Variants in PDE4B observed in about 807,000 individuals in gnomAD.
The protein encoded by PDE4B is 3',5'-cyclic-AMP phosphodiesterase 4B.
PDE4B carries 20 observed loss-of-function variants against 82.2 expected under a neutral mutation model. The ratio of observed to expected loss-of-function variants is 0.24; its 90% CI spans 0.17 to 0.35. The LOEUF (loss-of-function observed/expected upper bound fraction) is 0.35. Ranked by LOEUF, PDE4B falls within the 10% of genes least tolerant of loss-of-function variation. The probability of loss-of-function intolerance (pLI) is 1.00; values close to 1 mark genes in which losing one functional copy is unlikely to be tolerated. For synonymous variants in PDE4B, 320 were observed against 318.9 expected, an observed-to-expected ratio of 1.00 and a Z score of -0.04; for missense variants, 655 against 907.2, an observed-to-expected ratio of 0.72 and a Z score of 3.57.
At chr1:66,054,495 A>G (rs971034038) in intron 3 of PDE4B, among the ~76,000 whole-genome samples, 2 of 152,198 alleles carry the variant, frequency 1.3e-5, no homozygotes, top group African/African-American at 4.8e-5. Flanking sequence ...TAGTGCCTAT[A>G]TCTTGTGCTC....
Position 66,367,691 on chromosome 1 carries a change from A to T in PDE4B, c.1385-5A>T. 6.2e-7 allele frequency: 1 copy of T among 1,602,866 alleles called. No individual in the cohort carries two copies. The highest frequency in any genetic ancestry group is 8.5e-7 in the Non-Finnish European group (1 of 1,174,218). On this transcript the variant is annotated splice_polypyrimidine_tract_variant and splice_region_variant and intron_variant, in intron 13 of 16. Transcript: ENST00000341517. The stretch of plus-strand genomic sequence containing the variant: ...ATTAAGTCATCATTTGGTCTGATTT[A>T]TTAGATTCAGAACTTGCTTTGATGT...
chr1:66,068,169 C>T (rs1174524336), intron 3 of PDE4B, among the ~76,000 whole-genome samples: 2 of 151,486 alleles, frequency 1.3e-5, no homozygotes, highest in Non-Finnish European at 1.5e-5. Flanking sequence ...TAATTGTTCT[C>T]GCTTCCGTGA....
chr1:66,250,234 A>G lies in PDE4B; in HGVS notation c.476+2580A>G, dbSNP rs1352579039. ...CTTCTACCCATAGATCCAGGAAGCA[A>G]GAAGGGTGCTAATAGACCAAGAGTC... On this transcript the variant is annotated intron_variant, in intron 4 of 16. Coordinates refer to ENST00000341517, the MANE Select transcript of PDE4B (RefSeq NM_002600.4). 2.6e-5 allele frequency among the ~76,000 whole-genome samples: 4 copies of G among 152,094 alleles called. No homozygotes were observed. In the East Asian group the frequency reaches 7.7e-4, roughly 29 times the overall value.
intron 1 of PDE4B, among the ~76,000 whole-genome samples, chr1:65,872,538 A>G (rs1224011343): frequency 1.3e-5 from 2 of 152,184 alleles, no homozygotes; most frequent in Non-Finnish European, 1.5e-5. Context: ...TCAGCACTCA[A>G]TGAATAGATT....
intron 3 of PDE4B, among the ~76,000 whole-genome samples, chr1:66,137,933 A>C (rs897780404): frequency 3.3e-5 from 5 of 152,200 alleles, no homozygotes; most frequent in African/African-American, 1.2e-4. Context: ...AACTATTCTA[A>C]GTATTTTATG....
chr1:65,833,018 G>T (rs1246293998), intron 1 of PDE4B, among the ~76,000 whole-genome samples: 2 of 152,166 alleles, frequency 1.3e-5, no homozygotes, highest in Non-Finnish European at 2.9e-5. Flanking sequence ...AGTGAGCAAA[G>T]TGAACAATGT....
intron 9 of PDE4B, among the ~76,000 whole-genome samples, chr1:66,356,573 T>C (rs887198412): frequency 6.6e-6 from 1 of 152,266 alleles, no homozygotes; most frequent in African/African-American, 2.4e-5. Context: ...GCATCCTCTC[T>C]TCTTTTTGGA....
chr1:65,985,544 T>C (rs2503193), intron 3 of PDE4B, among the ~76,000 whole-genome samples: 149,097 of 152,286 alleles, frequency 0.98, 73,060 homozygotes, highest in Middle Eastern at 1. Flanking sequence ...AGCTATGTCC[T>C]TAATATTTTA....
At chr1:66,267,592 G>T (rs1321633391) in intron 7 of PDE4B, 1 of 152,102 alleles carries the variant, frequency 6.6e-6, no homozygotes, top group East Asian at 1.9e-4. Context: ...GTGATTATTG[G>T]CACAGCAACT....
intron 3 of PDE4B, among the ~76,000 whole-genome samples, chr1:65,973,937 C>T (rs939782831): frequency 6.6e-6 from 1 of 152,230 alleles, no homozygotes; most frequent in Non-Finnish European, 1.5e-5. Flanking sequence ...CTCAGCCTCC[C>T]GAGTAGCTGG....
intron 3 of PDE4B, among the ~76,000 whole-genome samples, chr1:65,965,517 GAT>G (rs569819375): frequency 0.087 from 2,093 of 24,036 alleles, 27 homozygotes; most frequent in Admixed American, 0.11. Context: ...GGAATCTTGT[GAT>G]TTTTTTTTTT....
chr1:66,340,363 T>C (rs2101948878), intron 8 of PDE4B, among the ~76,000 whole-genome samples: 1 of 152,346 alleles, frequency 6.6e-6, no homozygotes, highest in South Asian at 2.1e-4. Flanking sequence ...GTTTCTGCTT[T>C]GGGAAGTGCC....
intron 3 of PDE4B, among the ~76,000 whole-genome samples, chr1:66,013,199 G>T (rs891810873): frequency 5.3e-5 from 8 of 152,048 alleles, no homozygotes; most frequent in African/African-American, 1.7e-4. Flanking sequence ...TTGGTACTCA[G>T]TGAATGTTTT....
At chr1:66,097,487 A>C (rs74225007) in intron 3 of PDE4B, among the ~76,000 whole-genome samples, 8,482 of 152,110 alleles carry the variant, frequency 0.056, 582 homozygotes, top group East Asian at 0.31. Flanking sequence ...GGGTGAAGTT[A>C]TTTATAAACA....
intron 3 of PDE4B, among the ~76,000 whole-genome samples, chr1:66,192,368 T>G (rs1647893334): frequency 6.6e-6 from 1 of 152,152 alleles, no homozygotes; most frequent in Admixed American, 6.5e-5. Flanking sequence ...GAATTTAGAC[T>G]CAACCGAACT....
chr1:66,089,058 G>A (rs932214087), intron 3 of PDE4B, among the ~76,000 whole-genome samples: 2 of 152,004 alleles, frequency 1.3e-5, no homozygotes, highest in African/African-American at 4.8e-5. Flanking sequence ...TGTTATGAAA[G>A]CATAAGCTAG....
chr1:66,048,558 A>G (rs1045610681), intron 3 of PDE4B, among the ~76,000 whole-genome samples: 3 of 152,088 alleles, frequency 2.0e-5, no homozygotes, highest in African/African-American at 7.2e-5. Flanking sequence ...AAAGTAGTCT[A>G]GGAGAAATAA....
intron 7 of PDE4B, among the ~76,000 whole-genome samples, chr1:66,275,938 T>G (rs1350316141): frequency 6.6e-6 from 1 of 152,216 alleles, no homozygotes; most frequent in Non-Finnish European, 1.5e-5. Context: ...TCCTACCCCC[T>G]GTCTGGCTGT....
chr1:66,199,597 T>C (rs978617303), intron 3 of PDE4B, among the ~76,000 whole-genome samples: 3 of 152,274 alleles, frequency 2.0e-5, no homozygotes, highest in African/African-American at 7.2e-5. Flanking sequence ...TCTCCCATTT[T>C]GACACGATCC....
Sources: allele counts gnomAD v4.1 joint callset (sites outside exome capture counted in the v4.1 genomes callset), GRCh38; gene constraint gnomAD v4.1.1; transcripts MANE v1.5; gene names NCBI Gene and HGNC (gene_info 2026-07-23, HGNC 2026-07-21).